SV2B: variants seen among roughly 807,000 people sequenced by gnomAD.
The protein encoded by SV2B is synaptic vesicle glycoprotein 2B.
A neutral mutation model predicts 73.9 loss-of-function variants in SV2B; 41 were observed. The observed-to-expected ratio is 0.56, with a 90% CI of 0.43 to 0.72. The LOEUF (loss-of-function observed/expected upper bound fraction) is 0.72, where lower values mean the gene tolerates loss of function less well. Ranked by LOEUF, SV2B falls within the 30% of genes least tolerant of loss-of-function variation. SV2B has a pLI of 0.00. For synonymous variants in SV2B, 314 were observed against 314.2 expected (o/e 1.00, Z 0.01); for missense variants, 764 against 857.8 (o/e 0.89, Z 1.37).
chr15:91,176,338 C>A (rs944245464), intron 1 of SV2B, among the ~76,000 whole-genome samples: 19 of 151,760 alleles, frequency 1.3e-4, no homozygotes, highest in African/African-American at 4.4e-4. Context: ...GTGAATAGTG[C>A]CGCAATAAAC....
Position 91,252,505 on chromosome 15 carries a change from A to T in SV2B, c.769A>T (p.Ile257Phe), listed in dbSNP as rs1359668406. ...GTACGCATCTGCCATGGCCTGGAGC[A>T]TCATCCCACACTATGGTGAGTCATG... is the stretch of plus-strand genomic sequence containing the variant. ...GLYASAMAWS[I>F]IPHYGWGFSM... Residue 257 changes from isoleucine to phenylalanine, a missense_variant, in exon 4 of 13, where the codon ATC becomes TTC. Coordinates refer to ENST00000394232, the MANE Select transcript of SV2B (RefSeq NM_001323032.3). The surrounding 1 kb of genome is among the most constrained non-coding windows in gnomAD (Gnocchi z 4.6). 6.2e-7 allele frequency: 1 copy of T among 1,610,852 alleles called. No homozygotes were observed. The highest frequency in any genetic ancestry group is 1.1e-5 in the South Asian group (1 of 90,626).
chr15:91,199,360 T>C (rs2045379480), intron 1 of SV2B, among the ~76,000 whole-genome samples: 2 of 152,018 alleles, frequency 1.3e-5, no homozygotes, highest in African/African-American at 4.8e-5. Context: ...AGAGTAACAA[T>C]CCTCCAGGCC....
At chr15:91,250,398 GAA>G (rs2047437386) in intron 2 of SV2B, among the ~76,000 whole-genome samples, 1 of 152,054 alleles carries the variant, frequency 6.6e-6, no homozygotes, top group African/African-American at 2.4e-5. Flanking sequence ...AATCAATAAT[GAA>G]AAGCTGAAAG....
chr15:91,173,231 G>A (rs1354350646), intron 1 of SV2B, among the ~76,000 whole-genome samples: 1 of 152,198 alleles, frequency 6.6e-6, no homozygotes, highest in Non-Finnish European at 1.5e-5. Context: ...CGAGCGCGGT[G>A]TGTCTGAACA....
chr15:91,274,583 G>T (rs11854719), intron 9 of SV2B, among the ~76,000 whole-genome samples: 64,506 of 152,036 alleles, frequency 0.42, 15,858 homozygotes, highest in African/African-American at 0.68. Context: ...TCATCGTCTT[G>T]TCTTAGGACA....
At position 91,129,112 on chromosome 15, in the gene SV2B, C is replaced by G. The variant is rs561252217; in HGVS notation, c.-392+28749C>G. On this transcript the variant is annotated intron_variant, in intron 1 of 12. Transcript: ENST00000394232. The surrounding 1 kb of genome is among the most constrained non-coding windows in gnomAD (Gnocchi z 5.1). ...GTCTTATGTCCTGCTGCCTTTCAAA[C>G]AGGAGTGAAATAATCCCAGCGACAG... Among the ~76,000 whole-genome samples the G allele has an allele frequency of 6.6e-6, 1 of 152,334 alleles. No homozygotes were observed. Among genetic ancestry groups the G allele is most frequent in the Non-Finnish European group, 1.5e-5 (1 of 68,038 alleles).
At position 91,214,251 on chromosome 15, in the gene SV2B, C is replaced by T. The variant is rs2045955281; in HGVS notation, c.-391-11622C>T. On this transcript the variant is annotated intron_variant, in intron 1 of 12. Coordinates refer to ENST00000394232, the MANE Select transcript of SV2B (RefSeq NM_001323032.3). The surrounding 1 kb of genome is among the most constrained non-coding windows in gnomAD (Gnocchi z 4.7). ...CCAGCAGAGTGGAAGTGCTAAAAAA[C>T]CAGAGGGTCTCACCCAAGAAGGCCT... Among the ~76,000 whole-genome samples the T allele has an allele frequency of 6.6e-6, 1 of 152,084 alleles. No homozygotes were observed. Among genetic ancestry groups the T allele is most frequent in the South Asian group, 2.1e-4 (1 of 4,824 alleles).
chr15:91,118,414 T>C lies in SV2B; in HGVS notation c.-392+18051T>C, dbSNP rs2042236323. Among the ~76,000 whole-genome samples, 1 of 152,146 alleles carries C rather than the reference T, an allele frequency of 6.6e-6. No homozygotes were observed. Among genetic ancestry groups the C allele is most frequent in the East Asian group, 1.9e-4 (1 of 5,192 alleles). On this transcript the variant is annotated intron_variant, in intron 1 of 12. Transcript: ENST00000394232. This position sits in a 1 kb window ranked among gnomAD's most constrained non-coding sequence, Gnocchi z 4.7. ...TGCCAGCAAGAAAGATGGGTGGTAG[T>C]ACAGTGCTAAGGGAAGAAAAGAACA...
At chr15:91,153,835 G>C (rs1389120690) in intron 1 of SV2B, among the ~76,000 whole-genome samples, 1 of 151,998 alleles carries the variant, frequency 6.6e-6, no homozygotes, top group Admixed American at 6.6e-5. Context: ...GCAGGGGACA[G>C]TAACACAACA....
chr15:91,276,744 G>A (rs72750212), intron 9 of SV2B, among the ~76,000 whole-genome samples: 48,500 of 150,300 alleles, frequency 0.32, 8,540 homozygotes, highest in African/African-American at 0.45. Flanking sequence ...GCTTTAATAT[G>A]TTAATAATAA....
At chr15:91,169,890 A>G (rs79703032) in intron 1 of SV2B, among the ~76,000 whole-genome samples, 1 of 152,322 alleles carries the variant, frequency 6.6e-6, no homozygotes, top group African/African-American at 2.4e-5. Flanking sequence ...TTCTTGTTTA[A>G]CATCCCTGTT....
Position 91,252,330 on chromosome 15 carries a change from A to T in SV2B, c.633-39A>T, listed in dbSNP as rs376207610. ...TTTCTGCTGTGACCATTTTTAGTGTATGACTTGATTCTTTCTCTCTGGCAT... is the reference window on the plus strand; with the variant it reads ...TTTCTGCTGTGACCATTTTTAGTGTTTGACTTGATTCTTTCTCTCTGGCAT... On this transcript the variant is annotated intron_variant, in intron 3 of 12. Transcript: ENST00000394232. The surrounding 1 kb of genome is among the most constrained non-coding windows in gnomAD (Gnocchi z 4.6). 6.3e-7 allele frequency: 1 copy of T among 1,575,004 alleles called. No individual in the cohort carries two copies. The highest frequency in any genetic ancestry group is 1.2e-5 in the South Asian group (1 of 84,550).
At chr15:91,181,331 T>G (rs1466281730) in intron 1 of SV2B, among the ~76,000 whole-genome samples, 1 of 151,986 alleles carries the variant, frequency 6.6e-6, no homozygotes, top group Non-Finnish European at 1.5e-5. Context: ...GTTAGGCTGC[T>G]CGGGGGTCAG....
chr15:91,289,830 C>A lies in SV2B; in HGVS notation c.1868+150C>A, dbSNP rs1293400927. ...CATCTTTTATGTTGAGCTTCTCCTG[C>A]ATGGTGGATGGCATAGACCTGAAAG... is the stretch of plus-strand genomic sequence containing the variant. On this transcript the variant is annotated intron_variant, in intron 12 of 12. Coordinates refer to ENST00000394232, the MANE Select transcript of SV2B (RefSeq NM_001323032.3). This position sits in a 1 kb window ranked among gnomAD's most constrained non-coding sequence, Gnocchi z 4.9. The A allele has an allele frequency of 2.1e-6, 2 of 974,448 alleles. No individual in the cohort carries two copies. The highest frequency in any genetic ancestry group is 3.0e-6 in the Non-Finnish European group (2 of 674,998). The allele number at this position is 974,448 out of a possible 1,614,324, so 60.4% of individuals were successfully genotyped here. A position where few individuals can be genotyped will look rare whatever the true frequency, so the allele number is the denominator to read the frequency against.
At chr15:91,186,930 A>C (rs1190768187) in intron 1 of SV2B, among the ~76,000 whole-genome samples, 1 of 152,246 alleles carries the variant, frequency 6.6e-6, no homozygotes, top group Non-Finnish European at 1.5e-5. Flanking sequence ...TTTATTTAGA[A>C]GCATGTATCA....
intron 1 of SV2B, among the ~76,000 whole-genome samples, chr15:91,188,204 C>T (rs1225295327): frequency 6.6e-6 from 1 of 151,958 alleles, no homozygotes; most frequent in Non-Finnish European, 1.5e-5. Context: ...AAAAAGAACC[C>T]AAGAAGGGGA....
At position 91,251,805 on chromosome 15, in the gene SV2B, C is replaced by A. The variant is rs368302511; in HGVS notation, c.452-14C>A. 1.2e-6 allele frequency: 2 copies of A among 1,612,822 alleles called. No individual in the cohort carries two copies. Among genetic ancestry groups the A allele is most frequent in the African/African-American group, 2.7e-5 (2 of 74,912 alleles). On this transcript the variant is annotated splice_polypyrimidine_tract_variant and intron_variant, in intron 2 of 12. Transcript: ENST00000394232. Reference sequence around the variant, plus strand: ...TTTTCTCTCTATTCTCTCCTCTCCTCCCCCTCATTGCAGGGATGATAGTCT... The same window carrying A: ...TTTTCTCTCTATTCTCTCCTCTCCTACCCCTCATTGCAGGGATGATAGTCT...
At position 91,267,551 on chromosome 15, in the gene SV2B, G is replaced by T; in HGVS notation, c.1120-4G>T. The T allele has an allele frequency of 2.5e-6, 4 of 1,612,018 alleles. No homozygotes were observed. The highest frequency in any genetic ancestry group is 2.2e-5 in the South Asian group (2 of 90,666). On this transcript the variant is annotated splice_region_variant and splice_polypyrimidine_tract_variant and intron_variant, in intron 7 of 12. Coordinates refer to ENST00000394232, the MANE Select transcript of SV2B (RefSeq NM_001323032.3). The surrounding 1 kb of genome is among the most constrained non-coding windows in gnomAD (Gnocchi z 4.3). ...TAACAATCCTTCTCTGGTATGGGTTGTAGGTCTGGGATAATGCCCTGTACT... is the reference window on the plus strand; with the variant it reads ...TAACAATCCTTCTCTGGTATGGGTTTTAGGTCTGGGATAATGCCCTGTACT...
chr15:91,111,521 G>A (rs1281259235), intron 1 of SV2B, among the ~76,000 whole-genome samples: 4 of 152,138 alleles, frequency 2.6e-5, no homozygotes, highest in Non-Finnish European at 4.4e-5. Context: ...GAAGACGGGG[G>A]GCCAGGCAAA....
Sources: allele counts gnomAD v4.1 joint callset (sites outside exome capture counted in the v4.1 genomes callset), GRCh38; gene constraint gnomAD v4.1.1; non-coding constraint Gnocchi (gnomAD v3.1); transcripts MANE v1.5; gene names NCBI Gene and HGNC (gene_info 2026-07-23, HGNC 2026-07-21).